DDX31: variants seen among roughly 807,000 people sequenced by gnomAD.
DDX31 encodes the protein DEAD-box helicase 31.
DDX31 carries 70 observed loss-of-function variants against 91.3 expected under a neutral mutation model. The observed-to-expected ratio is 0.77, with a 90% CI of 0.63 to 0.94. The LOEUF is 0.94. DDX31 is among the 40% of genes least tolerant of loss of function. The probability of loss-of-function intolerance (pLI) is 0.00; values close to 1 mark genes in which losing one functional copy is unlikely to be tolerated. For synonymous variants in DDX31, 362 were observed against 350.6 expected, an observed-to-expected ratio of 1.03 and a Z score of -0.36; for missense variants, 902 against 925.0, an observed-to-expected ratio of 0.98 and a Z score of 0.32.
chr9:132,632,851 A>C (rs11243850), intron 14 of DDX31, among the ~76,000 whole-genome samples: 29,184 of 152,154 alleles, frequency 0.19, 3,598 homozygotes, highest in East Asian at 0.42. Flanking sequence ...TATCTTTTCA[A>C]CTAGTCACCA....
At chr9:132,615,205 A>C (rs1831559475) in intron 18 of DDX31, among the ~76,000 whole-genome samples, 1 of 152,214 alleles carries the variant, frequency 6.6e-6, no homozygotes, top group Non-Finnish European at 1.5e-5. Flanking sequence ...ATTTTCAAGT[A>C]TCTCACATGG....
At chr9:132,663,917 A>G (rs1835144028) in intron 1 of DDX31, among the ~76,000 whole-genome samples, 1 of 152,226 alleles carries the variant, frequency 6.6e-6, no homozygotes, top group South Asian at 2.1e-4. Flanking sequence ...TTGTTGAATC[A>G]TTTGCAAGAC....
At chr9:132,637,942 C>A (rs1318437077) in intron 14 of DDX31, 29 of 1,004,524 alleles carry the variant, frequency 2.9e-5, no homozygotes, top group Non-Finnish European at 3.4e-5. Context: ...TGTCTCCTAG[C>A]CTCCTGGCAC....
chr9:132,606,717 GC>G (rs1831046627), intron 19 of DDX31, among the ~76,000 whole-genome samples: 1 of 152,140 alleles, frequency 6.6e-6, no homozygotes, highest in African/African-American at 2.4e-5. Flanking sequence ...ACTGTAAGTG[GC>G]CCGGCCAGGA....
intron 19 of DDX31, among the ~76,000 whole-genome samples, chr9:132,605,599 A>G (rs1830968286): frequency 6.6e-6 from 1 of 152,166 alleles, no homozygotes; most frequent in African/African-American, 2.4e-5. Flanking sequence ...CTGACCACAC[A>G]TACAAATACC....
chr9:132,614,926 A>G (rs867306815), intron 18 of DDX31, among the ~76,000 whole-genome samples: 48 of 152,296 alleles, frequency 3.2e-4, no homozygotes, highest in African/African-American at 1.1e-3. Flanking sequence ...ATGTTTGGAT[A>G]ATTCAGAGAA....
chr9:132,658,082 A>G, intron 6 of DDX31: 1 of 532,592 alleles, frequency 1.9e-6, no homozygotes, highest in Non-Finnish European at 3.3e-6. Flanking sequence ...GCATGAATGG[A>G]TAGCTGCAAA....
At chr9:132,618,214 G>T in intron 18 of DDX31, 116 bp downstream of exon 18, 1 of 734,300 alleles carries the variant, frequency 1.4e-6, no homozygotes. Flanking sequence ...GGCTTTGGCT[G>T]GTGAGCAGGG....
intron 1 of DDX31, chr9:132,663,553 C>G (rs954445345): frequency 3.1e-6 from 3 of 983,002 alleles, no homozygotes; most frequent in Non-Finnish European, 3.6e-6. Flanking sequence ...TTTCTTTGGC[C>G]TTCTTTTCTG....
intron 6 of DDX31, among the ~76,000 whole-genome samples, chr9:132,654,945 C>CAAAAAA (rs140953433): frequency 2.2e-5 from 2 of 90,192 alleles, no homozygotes; most frequent in Non-Finnish European, 4.4e-5. Context: ...GACTCTGTCT[C>CAAAAAA]AAAAAAAAAA....
At chr9:132,599,453 T>C (rs1176714523) in intron 19 of DDX31, among the ~76,000 whole-genome samples, 4 of 152,230 alleles carry the variant, frequency 2.6e-5, no homozygotes, top group Non-Finnish European at 4.4e-5. Flanking sequence ...CTGAAGGATA[T>C]AGGAAATGTA....
chr9:132,636,591 G>A (rs761531990), intron 14 of DDX31, among the ~76,000 whole-genome samples: 5 of 152,156 alleles, frequency 3.3e-5, no homozygotes, highest in Admixed American at 1.3e-4. Context: ...GATGAAGGGC[G>A]CCAGCAGCCT....
intron 17 of DDX31, among the ~76,000 whole-genome samples, chr9:132,620,182 A>G (rs969252284): frequency 2.0e-5 from 3 of 152,036 alleles, no homozygotes; most frequent in Non-Finnish European, 4.4e-5. Flanking sequence ...AGCTCTCAGA[A>G]TAGATCTGAG....
At chr9:132,626,774 C>T (rs1206216077) in intron 16 of DDX31, among the ~76,000 whole-genome samples, 1 of 152,032 alleles carries the variant, frequency 6.6e-6, no homozygotes, top group Admixed American at 6.6e-5. Flanking sequence ...TCTCTGACAG[C>T]GATTTACCTG....
chr9:132,639,868 A>G (rs1033522674), intron 14 of DDX31, among the ~76,000 whole-genome samples: 1 of 152,206 alleles, frequency 6.6e-6, no homozygotes, highest in Non-Finnish European at 1.5e-5. Flanking sequence ...ACTGCTTTCT[A>G]TTTCAATATT....
chr9:132,652,715 G>C (rs535608976), intron 6 of DDX31, among the ~76,000 whole-genome samples: 2 of 152,084 alleles, frequency 1.3e-5, no homozygotes, highest in Non-Finnish European at 2.9e-5. Flanking sequence ...GGAAGGGCAG[G>C]GGGGCAGGAG....
chr9:132,634,729 C>T (rs989000934), intron 14 of DDX31, among the ~76,000 whole-genome samples: 3 of 151,586 alleles, frequency 2.0e-5, no homozygotes, highest in East Asian at 1.9e-4. Context: ...AGTAGCTGGA[C>T]GACCAGAGGT....
At chr9:132,610,506 G>A (rs1302581415) in intron 19 of DDX31, among the ~76,000 whole-genome samples, 3 of 152,150 alleles carry the variant, frequency 2.0e-5, no homozygotes, top group African/African-American at 7.2e-5. Context: ...CCATTCCAAT[G>A]AGACTTGGAG....
chr9:132,627,870 C>T (rs1364167696), intron 16 of DDX31, among the ~76,000 whole-genome samples: 2 of 152,222 alleles, frequency 1.3e-5, no homozygotes, highest in East Asian at 1.9e-4. Context: ...GCCCTCCCAA[C>T]GCCCCTCTGC....
Sources: allele counts gnomAD v4.1 joint callset (sites outside exome capture counted in the v4.1 genomes callset), GRCh38; gene constraint gnomAD v4.1.1; transcripts MANE v1.5; gene names NCBI Gene and HGNC (gene_info 2026-07-23, HGNC 2026-07-21).